Variants in CBLN1 observed in about 807,000 individuals in gnomAD.
CBLN1 encodes the protein cerebellin-1.
CBLN1 carries 5 observed loss-of-function variants against 15.9 expected under a neutral mutation model. That is an observed-to-expected ratio of 0.31 (90% confidence interval 0.16 to 0.66). CBLN1 has a LOEUF of 0.66. CBLN1 is among the 30% of genes least tolerant of loss of function. The pLI is 0.75. For missense variants in CBLN1, 164 were observed against 253.7 expected (o/e 0.65, Z 2.40); for synonymous variants, 90 against 107.6 (o/e 0.84, Z 1.01).
chr16:49,279,184 G>C lies in CBLN1; in HGVS notation c.*220C>G. 1.8e-6 allele frequency: 1 copy of C among 548,868 alleles called. No homozygotes were observed. The highest frequency in any genetic ancestry group is 3.1e-5 in the East Asian group (1 of 32,520). The allele number at this position is 548,868 out of a possible 1,614,324, so 34.0% of individuals were successfully genotyped here. A position where few individuals can be genotyped will look rare whatever the true frequency, so the allele number is the denominator to read the frequency against. On this transcript the variant is annotated 3_prime_UTR_variant, in exon 3 of 3. Coordinates refer to ENST00000219197, the MANE Select transcript of CBLN1 (RefSeq NM_004352.4). ...AATGGGGGAGGCGAGTTTATTTTTG[G>C]AAATGGGAGTGCGCAGAGCTAAGCG...
At chr16:49,280,838 G>T in intron 2 of CBLN1, 85 bp downstream of exon 2, 1 of 1,510,256 alleles carries the variant, frequency 6.6e-7, no homozygotes, top group Non-Finnish European at 9.2e-7. Context: ...CGCCACTTCT[G>T]CCTACCACCT....
rs375518537 is a variant in CBLN1 at position 49,281,408 on chromosome 16, G to C, written c.58C>G (p.Arg20Gly). ...ATGGGCTCCGTCTCATTCTGCCCGC[G>C]GGCCGGGCCCGCCAGCCACGCAGCC... is the stretch of plus-strand genomic sequence containing the variant. ...LGAAWLAGPA[R>G]GQNETEPIVL... is the part of the protein sequence containing the mutation. The change falls in exon 1 of 3, where the codon CGC becomes GGC. Residue 20 changes from arginine to glycine, a missense_variant. Arg to Gly is a moderately radical substitution (Grantham distance 125). Coordinates refer to ENST00000219197, the MANE Select transcript of CBLN1 (RefSeq NM_004352.4). 6.2e-7 allele frequency: 1 copy of C among 1,600,488 alleles called. No homozygotes were observed. Among genetic ancestry groups the C allele is most frequent in the Non-Finnish European group, 8.5e-7 (1 of 1,178,474 alleles).
At chr16:49,279,851 T>C (rs1407633054) in intron 2 of CBLN1, among the ~76,000 whole-genome samples, 1 of 152,068 alleles carries the variant, frequency 6.6e-6, no homozygotes, top group Non-Finnish European at 1.5e-5. Context: ...CTTATTCCAG[T>C]TTCTCAAATG....
In CBLN1 at chr16:49,281,738, T is replaced by G; in HGVS notation, c.-273A>C. ...TGGATGCATAGCCGCTGCTGCTCGG[T>G]CCCGCTGCTGCCGCCGCCTCCTGCC... On this transcript the variant is annotated 5_prime_UTR_variant, in exon 1 of 3. Coordinates refer to ENST00000219197, the MANE Select transcript of CBLN1 (RefSeq NM_004352.4). 6 of 306,942 alleles carry G rather than the reference T, an allele frequency of 2.0e-5. No individual in the cohort carries two copies. The highest frequency in any genetic ancestry group is 2.3e-5 in the Non-Finnish European group (4 of 170,354). The allele number at this position is 306,942 out of a possible 1,614,324, so 19.0% of individuals were successfully genotyped here. A position where few individuals can be genotyped will look rare whatever the true frequency, so the allele number is the denominator to read the frequency against.
rs752908497 is a variant in CBLN1, at chr16:49,279,577, G to A, written c.409C>T (p.Pro137Ser). Residue 137 changes from proline to serine, a missense_variant, in exon 3 of 3, where the codon CCG becomes TCG. Coordinates refer to ENST00000219197, the MANE Select transcript of CBLN1 (RefSeq NM_004352.4). ...TCACCAGCGAAGGCTGAAATCACCG[G>A]CCACCCGTTTAGCATGAGGCTCACC... ...IQVSLMLNGW[P>S]VISAFAGDQD... The A allele has an allele frequency of 6.2e-7, 1 of 1,614,090 alleles. No homozygotes were observed. The highest frequency in any genetic ancestry group is 1.3e-5 in the African/African-American group (1 of 74,924).
Position 49,279,318 on chromosome 16 carries a change from C to G in CBLN1, c.*86G>C, listed in dbSNP as rs1360050459. On this transcript the variant is annotated 3_prime_UTR_variant, in exon 3 of 3. Coordinates refer to ENST00000219197, the MANE Select transcript of CBLN1 (RefSeq NM_004352.4). ...ATGTAGGAAGTTTCAAGTCGTGCTG[C>G]TTTCTCGCCCTCTTAATTTCAGCCT... 6 of 1,274,950 alleles carry G rather than the reference C, an allele frequency of 4.7e-6. No homozygotes were observed. The highest frequency in any genetic ancestry group is 5.6e-6 in the Non-Finnish European group (5 of 885,394). 79.0% of individuals were successfully genotyped at this position (1,274,950 alleles called of 1,614,324 possible). A position where few individuals can be genotyped will look rare whatever the true frequency, so the allele number is the denominator to read the frequency against.
chr16:49,279,691 G>A, intron 2 of CBLN1, 90 bp from the exon 3 acceptor site: 1 of 993,124 alleles, frequency 1.0e-6, no homozygotes, highest in Admixed American at 2.1e-5. Flanking sequence ...TTGGCTAACA[G>A]CCTGTAAGGC....
chr16:49,279,208 C>G lies in CBLN1; in HGVS notation c.*196G>C. 1.7e-6 allele frequency: 1 copy of G among 600,598 alleles called. No homozygotes were observed. The highest frequency in any genetic ancestry group is 2.9e-6 in the Non-Finnish European group (1 of 340,726). 37.2% of individuals were successfully genotyped at this position (600,598 alleles called of 1,614,324 possible). On this transcript the variant is annotated 3_prime_UTR_variant, in exon 3 of 3. Transcript: ENST00000219197. ...GGAAATGGGAGTGCGCAGAGCTAAG[C>G]GAAATTTATTTCTCCTAATAAGGAA...
chr16:49,280,271 C>T (rs1033345488), intron 2 of CBLN1, among the ~76,000 whole-genome samples: 4 of 152,212 alleles, frequency 2.6e-5, no homozygotes, highest in African/African-American at 9.7e-5. Flanking sequence ...GCTGTGCGTC[C>T]CACCTCTCTC....
Position 49,281,448 on chromosome 16 carries a change from C to T in CBLN1, c.18G>A (p.Glu6=), listed in dbSNP as rs368764393. The T allele has an allele frequency of 3.4e-5, 53 of 1,570,184 alleles. No homozygotes were observed. Among genetic ancestry groups the T allele is most frequent in the Non-Finnish European group, 4.4e-5 (51 of 1,166,732 alleles). The part of the protein sequence containing the change: MLGVL[E]LLLLGAAWLA... ...GCCACGCAGCCCCCAGCAGCAGCAGCTCCAGGACGCCCAGCATCGCGCCGC... is the reference window on the plus strand; with the variant it reads ...GCCACGCAGCCCCCAGCAGCAGCAGTTCCAGGACGCCCAGCATCGCGCCGC... The change falls in exon 1 of 3, where the codon GAG becomes GAA. Residue 6 remains glutamate, a synonymous_variant. Transcript: ENST00000219197.
rs989679733 is a variant in CBLN1 at position 49,281,637 on chromosome 16, G to T, written c.-172C>A. On this transcript the variant is annotated 5_prime_UTR_variant, in exon 1 of 3. Coordinates refer to ENST00000219197, the MANE Select transcript of CBLN1 (RefSeq NM_004352.4). ...ACTCCGGGACTAGCGTCCCCTCCGC[G>T]ACTAGCGTCCCCTCCGCGCTGTGTT... 15 of 423,056 alleles carry T rather than the reference G, an allele frequency of 3.5e-5. No individual in the cohort carries two copies. The highest frequency in any genetic ancestry group is 4.0e-6 in the Non-Finnish European group (1 of 250,006). The allele number at this position is 423,056 out of a possible 1,614,324, so 26.2% of individuals were successfully genotyped here.
At chr16:49,280,416 G>A (rs12325367) in intron 2 of CBLN1, among the ~76,000 whole-genome samples, 5,847 of 152,300 alleles carry the variant, frequency 0.038, 143 homozygotes, top group Non-Finnish European at 0.058. Flanking sequence ...ACCCTCCGGG[G>A]CTAAATGCTG....
intron 2 of CBLN1, among the ~76,000 whole-genome samples, chr16:49,279,928 C>T (rs894206871): frequency 2.0e-5 from 3 of 152,142 alleles, no homozygotes; most frequent in African/African-American, 7.2e-5. Flanking sequence ...GTGGCTCTAG[C>T]GCCCTGAGAC....
Position 49,281,738 on chromosome 16 carries a change from T to C in CBLN1, c.-273A>G, listed in dbSNP as rs2151234180. The stretch of plus-strand genomic sequence containing the variant: ...TGGATGCATAGCCGCTGCTGCTCGG[T>C]CCCGCTGCTGCCGCCGCCTCCTGCC... On this transcript the variant is annotated 5_prime_UTR_variant, in exon 1 of 3. Transcript: ENST00000219197. 1 of 306,956 alleles carries C rather than the reference T, an allele frequency of 3.3e-6. No individual in the cohort carries two copies. Among genetic ancestry groups the C allele is most frequent in the South Asian group, 1.4e-4 (1 of 7,316 alleles). 19.0% of individuals were successfully genotyped at this position (306,956 alleles called of 1,614,324 possible).
chr16:49,281,093 G>C (rs1386101189), intron 1 of CBLN1, 51 bp from the exon 2 acceptor site: 2 of 1,614,062 alleles, frequency 1.2e-6, no homozygotes, highest in African/African-American at 2.7e-5. Flanking sequence ...GTCCCGGACT[G>C]TCGTCCCCGC....
chr16:49,279,326 C>T lies in CBLN1; in HGVS notation c.*78G>A. 1 of 1,341,420 alleles carries T rather than the reference C, an allele frequency of 7.5e-7. No homozygotes were observed. Among genetic ancestry groups the T allele is most frequent in the Non-Finnish European group, 1.1e-6 (1 of 940,662 alleles). 83.1% of individuals were successfully genotyped at this position (1,341,420 alleles called of 1,614,324 possible). ...AGTTTCAAGTCGTGCTGCTTTCTCG[C>T]CCTCTTAATTTCAGCCTCTTTCTCA... On this transcript the variant is annotated 3_prime_UTR_variant, in exon 3 of 3. Coordinates refer to ENST00000219197, the MANE Select transcript of CBLN1 (RefSeq NM_004352.4).
rs938626650 is a variant in CBLN1 at position 49,281,526 on chromosome 16, C to T, written c.-61G>A. 4.1e-6 allele frequency: 5 copies of T among 1,209,886 alleles called. No homozygotes were observed. Among genetic ancestry groups the T allele is most frequent in the Non-Finnish European group, 5.3e-6 (5 of 940,766 alleles). The allele number at this position is 1,209,886 out of a possible 1,614,324, so 74.9% of individuals were successfully genotyped here. Reference sequence around the variant, plus strand: ...GGGCTGCTCGCGCCAGCCGCCCCCCCCGTCCCAGTCCCGCTCCGAAGCCCC... The same window carrying T: ...GGGCTGCTCGCGCCAGCCGCCCCCCTCGTCCCAGTCCCGCTCCGAAGCCCC... On this transcript the variant is annotated 5_prime_UTR_variant, in exon 1 of 3. Coordinates refer to ENST00000219197, the MANE Select transcript of CBLN1 (RefSeq NM_004352.4).
rs990738542 is a variant in CBLN1 at position 49,281,053 on chromosome 16, A to T, written c.265-11T>A. On this transcript the variant is annotated splice_polypyrimidine_tract_variant and intron_variant, in intron 1 of 2. Transcript: ENST00000219197. The stretch of plus-strand genomic sequence containing the variant: ...AATGTTCACTAGTACCTATAACGAG[A>T]CGGGAACGAAGGGGAGTGGGCAGGA... 14 of 1,614,116 alleles carry T rather than the reference A, an allele frequency of 8.7e-6. No individual in the cohort carries two copies. Among genetic ancestry groups the T allele is most frequent in the Non-Finnish European group, 1.1e-5 (13 of 1,180,038 alleles).
Position 49,281,797 on chromosome 16 carries a change from G to T in CBLN1, c.-332C>A, listed in dbSNP as rs1963314641. The T allele has an allele frequency of 7.4e-6, 2 of 271,844 alleles. No individual in the cohort carries two copies. The highest frequency in any genetic ancestry group is 1.4e-5 in the Non-Finnish European group (2 of 145,714). The allele number at this position is 271,844 out of a possible 1,614,324, so 16.8% of individuals were successfully genotyped here. A position where few individuals can be genotyped will look rare whatever the true frequency, so the allele number is the denominator to read the frequency against. On this transcript the variant is annotated 5_prime_UTR_variant, in exon 1 of 3. Coordinates refer to ENST00000219197, the MANE Select transcript of CBLN1 (RefSeq NM_004352.4). ...CCGCTGCCGCCGCCGCCGCCGCTCTGAATTATTGATGCAGCCGGCGCTGCA... is the reference window on the plus strand; with the variant it reads ...CCGCTGCCGCCGCCGCCGCCGCTCTTAATTATTGATGCAGCCGGCGCTGCA...
Sources: gnomAD v4.1 joint callset for allele counts (sites outside exome capture counted in the v4.1 genomes callset) on GRCh38, gnomAD v4.1.1 for gene constraint, MANE v1.5 for transcripts, NCBI Gene and HGNC (gene_info 2026-07-23, HGNC 2026-07-21) for gene names.